Variants in RIMS2 observed in about 807,000 individuals in gnomAD.
RIMS2 encodes the protein regulating synaptic membrane exocytosis 2.
Under a neutral mutation model 174.4 loss-of-function variants are expected in RIMS2, and 59 were observed. The ratio of observed to expected loss-of-function variants is 0.34; its 90% CI spans 0.27 to 0.42. RIMS2 has a LOEUF of 0.42. RIMS2 is among the 10% of genes least tolerant of loss of function. The probability of loss-of-function intolerance (pLI) is 1.00; values close to 1 mark genes in which losing one functional copy is unlikely to be tolerated. For missense variants in RIMS2, 1,620 were observed against 1,666.3 expected, an observed-to-expected ratio of 0.97 and a Z score of 0.48; for synonymous variants, 606 against 572.5, an observed-to-expected ratio of 1.06 and a Z score of -0.84.
chr8:103,634,119 T>C (rs1381829731), intron 1 of RIMS2, among the ~76,000 whole-genome samples: 2 of 152,200 alleles, frequency 1.3e-5, no homozygotes, highest in African/African-American at 4.8e-5. Flanking sequence ...GCTAGGTTGT[T>C]AATTTGAGAT....
At chr8:104,071,497 C>G (rs1011508967) in intron 19 of RIMS2, among the ~76,000 whole-genome samples, 6 of 152,110 alleles carry the variant, frequency 3.9e-5, no homozygotes, top group African/African-American at 1.4e-4. Flanking sequence ...TGCAGTGGCA[C>G]CATATCAGCT....
In RIMS2 at chr8:104,223,601, G is replaced by A. The variant is rs1006816294; in HGVS notation, c.3335-21315G>A. On this transcript the variant is annotated intron_variant, in intron 19 of 23. Coordinates refer to ENST00000504942, the Ensembl canonical transcript of RIMS2. ...CCGCTGCGGACGCTGCGCCCCAGCC[G>A]CCAAGACGCCGCGTATCTTGTACCG... is the stretch of plus-strand genomic sequence containing the variant. The A allele has an allele frequency of 2.2e-5, 34 of 1,521,692 alleles. No individual in the cohort carries two copies. In the African/African-American group the frequency reaches 2.8e-4, roughly 12 times the overall value. The allele number at this position is 1,521,692 out of a possible 1,614,324, so 94.3% of individuals were successfully genotyped here. A position where few individuals can be genotyped will look rare whatever the true frequency, so the allele number is the denominator to read the frequency against.
chr8:103,923,599 AT>A (rs1054819835), intron 10 of RIMS2, among the ~76,000 whole-genome samples: 22 of 151,966 alleles, frequency 1.4e-4, no homozygotes, highest in African/African-American at 5.1e-4. Context: ...TAGTCTTTAG[AT>A]TTATAAGTGA....
intron 3 of RIMS2, among the ~76,000 whole-genome samples, chr8:103,780,875 G>C (rs1447976906): frequency 6.6e-6 from 1 of 151,694 alleles, no homozygotes; most frequent in Non-Finnish European, 1.5e-5. Context: ...TTTTTTACTT[G>C]ACTTGTTTTC....
chr8:104,152,979 C>T (rs1313466874), intron 19 of RIMS2, among the ~76,000 whole-genome samples: 1 of 152,092 alleles, frequency 6.6e-6, no homozygotes, highest in Non-Finnish European at 1.5e-5. Flanking sequence ...GACAACTTAC[C>T]TCCCTTCTGA....
rs572486152 is a variant in RIMS2 at position 103,517,591 on chromosome 8, G to A, written c.176+16529G>A. On this transcript the variant is annotated intron_variant, in intron 1 of 23. Transcript: ENST00000504942. ...AAATTATCTAATGATGTTGTCTAGT[G>A]CAGTCTTATAGAATTATGAAACCTA... Among the ~76,000 whole-genome samples, 42 of 152,280 alleles carry A rather than the reference G, an allele frequency of 2.8e-4. No homozygotes were observed. In the South Asian group the frequency reaches 8.7e-3, roughly 32 times the overall value.
intron 22 of RIMS2, 80 bp downstream of exon 28, chr8:104,249,668 C>T: frequency 1.3e-6 from 1 of 795,854 alleles, no homozygotes. Flanking sequence ...TGGTTTAGAC[C>T]TTTGATTTAG....
chr8:103,885,691 T>G (rs749252252), exon 4 of RIMS2: 1 of 1,612,980 alleles, frequency 6.2e-7, no homozygotes, highest in South Asian at 1.1e-5. Context: ...GAGCACGGCA[T>G]GAGAGAAGGC....
At chr8:104,133,086 C>T (rs1263838059) in intron 19 of RIMS2, among the ~76,000 whole-genome samples, 1 of 152,196 alleles carries the variant, frequency 6.6e-6, no homozygotes, top group Non-Finnish European at 1.5e-5. Context: ...TAGTGTCAGA[C>T]TGCTGGGTTC....
chr8:103,604,515 G>T (rs2094944986), intron 1 of RIMS2, among the ~76,000 whole-genome samples: 1 of 151,912 alleles, frequency 6.6e-6, no homozygotes, highest in Non-Finnish European at 1.5e-5. Context: ...CTTTAAAGTA[G>T]TTTTTTCCAA....
intron 19 of RIMS2, among the ~76,000 whole-genome samples, chr8:104,076,149 C>T (rs959169756): frequency 6.6e-6 from 1 of 152,122 alleles, no homozygotes; most frequent in Non-Finnish European, 1.5e-5. Flanking sequence ...TAGAATTGCA[C>T]GAGATGCTAA....
chr8:103,505,265 A>G (rs1822883372), intron 1 of RIMS2, among the ~76,000 whole-genome samples: 1 of 152,076 alleles, frequency 6.6e-6, no homozygotes, highest in Admixed American at 6.5e-5. Context: ...ATACATGTGT[A>G]TATATAATAT....
chr8:103,856,757 G>A (rs937447674), intron 3 of RIMS2, among the ~76,000 whole-genome samples: 4 of 151,810 alleles, frequency 2.6e-5, no homozygotes, highest in East Asian at 3.9e-4. Flanking sequence ...TGTTTGATTC[G>A]CCATCTTTCA....
intron 19 of RIMS2, among the ~76,000 whole-genome samples, chr8:104,157,889 C>A (rs936251227): frequency 3.9e-5 from 6 of 152,100 alleles, no homozygotes; most frequent in Non-Finnish European, 8.8e-5. Flanking sequence ...TTTTGAGGAA[C>A]TGCCATACTG....
intron 1 of RIMS2, among the ~76,000 whole-genome samples, chr8:103,591,256 G>T (rs933098634): frequency 2.7e-5 from 4 of 150,694 alleles, no homozygotes; most frequent in Non-Finnish European, 6.0e-5. Flanking sequence ...GTATTGGGTT[G>T]TTGGATTTTT....
At chr8:104,043,197 A>G (rs1243056156) in intron 19 of RIMS2, among the ~76,000 whole-genome samples, 2 of 138,726 alleles carry the variant, frequency 1.4e-5, no homozygotes, top group African/African-American at 5.6e-5. Context: ...AAGGAGATGG[A>G]AAAGAAAAAA....
chr8:104,088,937 C>A (rs2097583030), intron 19 of RIMS2, among the ~76,000 whole-genome samples: 1 of 151,896 alleles, frequency 6.6e-6, no homozygotes, highest in African/African-American at 2.4e-5. Context: ...ATTAACTTTT[C>A]CAGGCCACTT....
chr8:103,763,562 G>A (rs2098135533), intron 2 of RIMS2, among the ~76,000 whole-genome samples: 1 of 151,962 alleles, frequency 6.6e-6, no homozygotes, highest in Non-Finnish European at 1.5e-5. Flanking sequence ...AGGGAGGAAA[G>A]GAAGGATATA....
At chr8:103,559,066 T>TTTTTTTTTTTTTTTTTTTTTC in intron 1 of RIMS2, 2 of 148,250 alleles carry the variant, frequency 1.3e-5, no homozygotes, top group Admixed American at 6.9e-5. Flanking sequence ...CTTTTTTTTT[T>TTTTTTTTTTTTTTTTTTTTTC]TTGCTCTCTG....
Sources: gnomAD v4.1 joint callset for allele counts (sites outside exome capture counted in the v4.1 genomes callset) on GRCh38, gnomAD v4.1.1 for gene constraint, MANE v1.5 for transcripts, NCBI Gene and HGNC (gene_info 2026-07-23, HGNC 2026-07-21) for gene names.